FMNL3: variants seen among roughly 807,000 people sequenced by gnomAD.
FMNL3 encodes the protein formin-like protein 3.
FMNL3 carries 57 observed loss-of-function variants against 119.6 expected under a neutral mutation model. That is an observed-to-expected ratio of 0.48 (90% CI 0.39 to 0.59). The LOEUF is 0.59. Ranked by LOEUF, FMNL3 falls within the 20% of genes least tolerant of loss-of-function variation. The probability of loss-of-function intolerance (pLI) is 0.00; values close to 1 mark genes in which losing one functional copy is unlikely to be tolerated. For missense variants in FMNL3, 1,053 were observed against 1,323.5 expected (o/e 0.80, Z 3.17); for synonymous variants, 491 against 507.3 (o/e 0.97, Z 0.43).
At chr12:49,674,244 C>G (rs939165440) in intron 1 of FMNL3, among the ~76,000 whole-genome samples, 1 of 152,184 alleles carries the variant, frequency 6.6e-6, no homozygotes, top group Non-Finnish European at 1.5e-5. Flanking sequence ...ATGAAAGGTT[C>G]TGGGCAAAGA....
intron 1 of FMNL3, among the ~76,000 whole-genome samples, chr12:49,679,084 C>T (rs1484606785): frequency 1.3e-5 from 2 of 152,030 alleles, no homozygotes; most frequent in South Asian, 2.1e-4. Context: ...GACAGAACTG[C>T]GATAAGCACT....
intron 1 of FMNL3, among the ~76,000 whole-genome samples, chr12:49,680,375 G>C (rs549470872): frequency 1.1e-4 from 17 of 152,240 alleles, no homozygotes; most frequent in Admixed American, 9.8e-4. Context: ...ATCAGCTAGG[G>C]AGAGGCTCTA....
intron 10 of FMNL3, among the ~76,000 whole-genome samples, 170 bp from the exon 11 acceptor site, chr12:49,654,472 G>C (rs1208419932): frequency 6.6e-6 from 1 of 152,196 alleles, no homozygotes; most frequent in Non-Finnish European, 1.5e-5. Context: ...TTTTAAAAAT[G>C]TCATTTAATA....
intron 13 of FMNL3, among the ~76,000 whole-genome samples, chr12:49,652,456 T>A (rs1475972364): frequency 2.0e-5 from 3 of 152,170 alleles, no homozygotes; most frequent in Non-Finnish European, 4.4e-5. Context: ...CAGCCAATTC[T>A]CACTGCATGG....
intron 1 of FMNL3, among the ~76,000 whole-genome samples, chr12:49,685,469 T>C (rs1456744102): frequency 6.6e-6 from 1 of 151,522 alleles, no homozygotes; most frequent in Admixed American, 6.6e-5. Context: ...CTCAAAATAA[T>C]AATAATAATA....
rs1189951921 is a variant in FMNL3 at position 49,656,809 on chromosome 12, G to A, written c.791+14C>T. 1 of 1,608,812 alleles carries A rather than the reference G, an allele frequency of 6.2e-7. No homozygotes were observed. Among genetic ancestry groups the A allele is most frequent in the Non-Finnish European group, 8.5e-7 (1 of 1,175,296 alleles). On this transcript the variant is annotated intron_variant, in intron 8 of 25. Transcript: ENST00000335154. ...TGGACAGAGTGGGGAGGAAAGGGGA[G>A]GGAAGGAACTCACCTTGGATTCTTG...
At chr12:49,659,422 T>A (rs1943669541) in intron 5 of FMNL3, among the ~76,000 whole-genome samples, 1 of 152,082 alleles carries the variant, frequency 6.6e-6, no homozygotes, top group African/African-American at 2.4e-5. Context: ...TATTATTATT[T>A]TTTAAAGAGA....
At chr12:49,701,367 T>A (rs935217673) in intron 1 of FMNL3, among the ~76,000 whole-genome samples, 4 of 152,176 alleles carry the variant, frequency 2.6e-5, no homozygotes, top group African/African-American at 9.7e-5. Context: ...TCCATCCTTT[T>A]AAAAACCTTC....
At chr12:49,705,685 C>T (rs1160442790) in intron 1 of FMNL3, among the ~76,000 whole-genome samples, 6 of 152,200 alleles carry the variant, frequency 3.9e-5, no homozygotes, top group Non-Finnish European at 8.8e-5. Context: ...ACTGACTCAC[C>T]CGATCCCCCG....
intron 5 of FMNL3, 24 bp downstream of exon 5, chr12:49,661,941 AC>A (rs770706273): frequency 1.9e-5 from 31 of 1,610,934 alleles, no homozygotes; most frequent in Non-Finnish European, 2.4e-5. Context: ...CTGGTCCCCA[AC>A]TTCAGCCCCG....
At chr12:49,680,759 C>G (rs1944314626) in intron 1 of FMNL3, among the ~76,000 whole-genome samples, 2 of 152,176 alleles carry the variant, frequency 1.3e-5, no homozygotes, top group African/African-American at 4.8e-5. Flanking sequence ...AACATTACTA[C>G]TCATCTTTTA....
intron 1 of FMNL3, among the ~76,000 whole-genome samples, chr12:49,692,170 T>C (rs1016216742): frequency 2.7e-5 from 4 of 148,990 alleles, no homozygotes; most frequent in Non-Finnish European, 4.4e-5. Flanking sequence ...CTGGGCAACA[T>C]AGCAAGACCC....
In FMNL3 at chr12:49,649,108, G is replaced by A. The variant is rs1345824015; in HGVS notation, c.2436C>T (p.Ile812=). 5.0e-6 allele frequency: 8 copies of A among 1,613,700 alleles called. No homozygotes were observed. The highest frequency in any genetic ancestry group is 1.3e-5 in the African/African-American group (1 of 74,922). The change falls in exon 21 of 26, where the codon ATC becomes ATT. Residue 812 remains isoleucine (I), a synonymous_variant. Transcript: ENST00000335154. The surrounding 1 kb of genome is among the most constrained non-coding windows in gnomAD (Gnocchi z 5.6). ...GGTATTTCTCCTTCACTGTCAAGGC[G>A]ATGAAATGAAGCAGTGTCATCTTCC... The part of the protein sequence containing the change: ...TDRKMTLLHF[I]ALTVKEKYPD...
chr12:49,643,543 AAGC>A lies in FMNL3; in HGVS notation c.*2269_*2271del. 7.3e-7 allele frequency: 1 copy of A among 1,360,874 alleles called. No individual in the cohort carries two copies. The highest frequency in any genetic ancestry group is 9.9e-7 in the Non-Finnish European group (1 of 1,007,792). The allele number at this position is 1,360,874 out of a possible 1,614,324, so 84.3% of individuals were successfully genotyped here. ...TAGAAAGAACTTCCTCTACCTGCCC[AAGC>A]AAGAAGCTGGAGAAGGAAAACTGGA... On this transcript the variant is annotated 3_prime_UTR_variant, in exon 26 of 26. Transcript: ENST00000335154.
At chr12:49,687,935 T>C (rs1944509112) in intron 1 of FMNL3, among the ~76,000 whole-genome samples, 1 of 152,106 alleles carries the variant, frequency 6.6e-6, no homozygotes, top group South Asian at 2.1e-4. Flanking sequence ...AGAGCAAGTA[T>C]TAAAGACAGA....
At chr12:49,662,860 A>G (rs1039852863) in intron 4 of FMNL3, among the ~76,000 whole-genome samples, 1 of 152,228 alleles carries the variant, frequency 6.6e-6, no homozygotes, top group Non-Finnish European at 1.5e-5. Context: ...GAACTGTTAT[A>G]TGACAGGTTC....
At chr12:49,698,346 T>C (rs1302298419) in intron 1 of FMNL3, among the ~76,000 whole-genome samples, 2 of 152,084 alleles carry the variant, frequency 1.3e-5, no homozygotes, top group Non-Finnish European at 1.5e-5. Context: ...ATCACTAATA[T>C]ACAAGAGCCT....
At position 49,658,550 on chromosome 12, in the gene FMNL3, T is replaced by A. The variant is rs1192203535; in HGVS notation, c.497A>T (p.Asp166Val). The change falls in exon 6 of 26, where the codon GAC (aspartate) becomes GTC (valine). Residue 166 changes from aspartate to valine, a missense_variant. Physicochemically the swap from Asp to Val is radical, Grantham distance 152 (BLOSUM62 -3). Coordinates refer to ENST00000335154, the MANE Select transcript of FMNL3 (RefSeq NM_175736.5). ...TGACCTGCTCCAGGACCGGAGTTTGTCAAATGCACCATCGTCACCACTTTC... is the reference window on the plus strand; with the variant it reads ...TGACCTGCTCCAGGACCGGAGTTTGACAAATGCACCATCGTCACCACTTTC... ...GLESGDDGAFDKLRSWSRSIE... is the reference protein window; with the variant it reads ...GLESGDDGAFVKLRSWSRSIE... The A allele has an allele frequency of 6.2e-7, 1 of 1,613,122 alleles. No individual in the cohort carries two copies. Among genetic ancestry groups the A allele is most frequent in the Non-Finnish European group, 8.5e-7 (1 of 1,179,540 alleles).
intron 1 of FMNL3, among the ~76,000 whole-genome samples, chr12:49,673,598 A>C (rs1944103180): frequency 6.6e-6 from 1 of 152,280 alleles, no homozygotes; most frequent in Non-Finnish European, 1.5e-5. Flanking sequence ...GCAAGAGCCC[A>C]AGGAGGTGGG....
Sources: gnomAD v4.1 joint callset for allele counts (sites outside exome capture counted in the v4.1 genomes callset) on GRCh38, gnomAD v4.1.1 for gene constraint, Gnocchi (gnomAD v3.1) non-coding constraint, MANE v1.5 for transcripts, NCBI Gene and HGNC (gene_info 2026-07-23, HGNC 2026-07-21) for gene names.